DCTN6: variants seen among roughly 807,000 people sequenced by gnomAD.
DCTN6 encodes the protein dynactin subunit 6, also known as dynactin 6.
DCTN6 carries 15 observed loss-of-function variants against 25.8 expected under a neutral mutation model. That is an observed-to-expected ratio of 0.58 (90% CI 0.39 to 0.89). The LOEUF (loss-of-function observed/expected upper bound fraction) is 0.89. DCTN6 is among the 40% of genes least tolerant of loss of function. The pLI is 0.00. For missense variants in DCTN6, 198 were observed against 237.6 expected (o/e 0.83, Z 1.09); for synonymous variants, 64 against 78.3 (o/e 0.82, Z 0.96).
chr8:30,163,030 G>A (rs1803617180), intron 1 of DCTN6, among the ~76,000 whole-genome samples: 1 of 151,682 alleles, frequency 6.6e-6, no homozygotes, highest in Non-Finnish European at 1.5e-5. Context: ...GGGCACGGTG[G>A]CTTATGCCTG....
Position 30,179,436 on chromosome 8 carries a change from T to C in DCTN6, c.312T>C (p.Asn104=), listed in dbSNP as rs778111151. Reference sequence around the variant, plus strand: ...CCCAAGCCATGAAGATGGGAGATAATAATGTCATTGAATCAAAAGGTAAGC... The same window carrying C: ...CCCAAGCCATGAAGATGGGAGATAACAATGTCATTGAATCAAAAGGTAAGC... The part of the protein sequence containing the change: ...CYSQAMKMGD[N]NVIESKAYVG... The change falls in exon 5 of 7, where the codon AAT becomes AAC. Residue 104 remains asparagine, a synonymous_variant. Transcript: ENST00000221114. 6.2e-7 allele frequency: 1 copy of C among 1,612,486 alleles called. No individual in the cohort carries two copies. The highest frequency in any genetic ancestry group is 1.7e-5 in the Admixed American group (1 of 59,658).
chr8:30,163,148 T>C (rs1803618755), intron 1 of DCTN6, among the ~76,000 whole-genome samples: 1 of 152,048 alleles, frequency 6.6e-6, no homozygotes, highest in Admixed American at 6.6e-5. Flanking sequence ...AAATACAAAA[T>C]TAGCCAGGTG....
chr8:30,162,620 A>T (rs1012562919), intron 1 of DCTN6, among the ~76,000 whole-genome samples: 23 of 152,356 alleles, frequency 1.5e-4, no homozygotes, highest in African/African-American at 5.3e-4. Flanking sequence ...GTACTTCCTC[A>T]TGTCAGCTCA....
At chr8:30,169,334 C>T (rs376251878) in intron 2 of DCTN6, among the ~76,000 whole-genome samples, 20 of 152,272 alleles carry the variant, frequency 1.3e-4, no homozygotes, top group Non-Finnish European at 2.2e-4. Flanking sequence ...TGGAAATGTA[C>T]ACAAAGATTG....
At chr8:30,174,410 G>A (rs959146960) in intron 2 of DCTN6, among the ~76,000 whole-genome samples, 1 of 151,440 alleles carries the variant, frequency 6.6e-6, no homozygotes, top group African/African-American at 2.4e-5. Context: ...TCAGCTCACT[G>A]TAGCCTTTGC....
chr8:30,156,691 G>A (rs1249158158), intron 1 of DCTN6, among the ~76,000 whole-genome samples: 1 of 152,168 alleles, frequency 6.6e-6, no homozygotes, highest in Non-Finnish European at 1.5e-5. Flanking sequence ...GGAGGGCGGG[G>A]GGGGCTGTGA....
At chr8:30,163,297 C>CA (rs1055720758) in intron 1 of DCTN6, among the ~76,000 whole-genome samples, 16 of 146,232 alleles carry the variant, frequency 1.1e-4, no homozygotes, top group East Asian at 2.0e-4. Context: ...AACTCTGTCT[C>CA]AAAAAAAAAA....
At chr8:30,165,959 A>G (rs935624763) in intron 2 of DCTN6, 1 of 152,000 alleles carries the variant, frequency 6.6e-6, no homozygotes, top group African/African-American at 2.4e-5. Context: ...CTTTTGTATT[A>G]CCTAAACCAC....
chr8:30,165,007 G>A (rs1803646438), intron 2 of DCTN6, among the ~76,000 whole-genome samples: 2 of 152,188 alleles, frequency 1.3e-5, no homozygotes, highest in South Asian at 2.1e-4. Context: ...CATTGCAGCC[G>A]CTAATGAGAT....
At chr8:30,161,079 TA>T (rs932748394) in intron 1 of DCTN6, among the ~76,000 whole-genome samples, 8 of 152,178 alleles carry the variant, frequency 5.3e-5, no homozygotes, top group African/African-American at 1.7e-4. Context: ...GAGGGACCCG[TA>T]ATCCAAGTGA....
In DCTN6 at chr8:30,164,037, A is replaced by G; in HGVS notation, c.24-74A>G. On this transcript the variant is annotated intron_variant, in intron 1 of 6. Transcript: ENST00000221114. ...TCATTTTTTAAACCTTGTTTTCATTACAATGTCACGGTAGCTCCTCCAACA... is the reference window on the plus strand; with the variant it reads ...TCATTTTTTAAACCTTGTTTTCATTGCAATGTCACGGTAGCTCCTCCAACA... The G allele has an allele frequency of 3.8e-6, 5 of 1,310,628 alleles. No individual in the cohort carries two copies. The South Asian group carries it at 6.0e-5, about 16-fold the overall frequency. The allele number at this position is 1,310,628 out of a possible 1,614,324, so 81.2% of individuals were successfully genotyped here.
intron 2 of DCTN6, among the ~76,000 whole-genome samples, chr8:30,171,463 G>T (rs890938449): frequency 3.9e-5 from 6 of 152,110 alleles, no homozygotes; most frequent in Non-Finnish European, 7.4e-5. Flanking sequence ...CTGACTCATT[G>T]CCCTGGCTGG....
chr8:30,174,962 G>T, intron 2 of DCTN6, 123 bp from the exon 3 acceptor site: 1 of 810,914 alleles, frequency 1.2e-6, no homozygotes, highest in Non-Finnish European at 2.0e-6. Flanking sequence ...TACCTAGCTT[G>T]GTGCCTGGCA....
chr8:30,157,655 G>A (rs2117570594), intron 1 of DCTN6, among the ~76,000 whole-genome samples: 1 of 152,330 alleles, frequency 6.6e-6, no homozygotes, highest in Admixed American at 6.5e-5. Flanking sequence ...GTGGGGACAG[G>A]AAGTTTGGCT....
intron 2 of DCTN6, among the ~76,000 whole-genome samples, chr8:30,170,261 A>G (rs557981460): frequency 8.4e-5 from 11 of 131,664 alleles, no homozygotes; most frequent in South Asian, 5.4e-4. Flanking sequence ...TCTGTGCCCA[A>G]AAAAGACCCG....
At chr8:30,165,006 C>T (rs542780519) in intron 2 of DCTN6, among the ~76,000 whole-genome samples, 1 of 152,074 alleles carries the variant, frequency 6.6e-6, no homozygotes, top group African/African-American at 2.4e-5. Flanking sequence ...GCATTGCAGC[C>T]GCTAATGAGA....
intron 6 of DCTN6, among the ~76,000 whole-genome samples, chr8:30,182,692 C>CTT (rs529884392): frequency 7.0e-6 from 1 of 143,070 alleles, no homozygotes; most frequent in Non-Finnish European, 1.5e-5. Flanking sequence ...CTACCTGGAA[C>CTT]TTTTTTTTTT....
At chr8:30,173,748 A>C (rs1364299996) in intron 2 of DCTN6, among the ~76,000 whole-genome samples, 2 of 151,360 alleles carry the variant, frequency 1.3e-5, no homozygotes, top group East Asian at 1.9e-4. Flanking sequence ...AAAAAAAAAA[A>C]AAAAAACCAG....
chr8:30,170,646 ATTT>A (rs964228129), intron 2 of DCTN6, among the ~76,000 whole-genome samples: 5 of 146,300 alleles, frequency 3.4e-5, no homozygotes, highest in African/African-American at 1.2e-4. Context: ...GGTTGTTTTA[ATTT>A]TTTTTTTTTT....
Sources: gnomAD v4.1 joint callset for allele counts (sites outside exome capture counted in the v4.1 genomes callset) on GRCh38, gnomAD v4.1.1 for gene constraint, MANE v1.5 for transcripts, NCBI Gene and HGNC (gene_info 2026-07-23, HGNC 2026-07-21) for gene names.